The following PCLO variants were observed in gnomAD, a reference collection of about 807,000 sequenced individuals.
The protein encoded by PCLO is protein piccolo.
A neutral mutation model predicts 427.5 loss-of-function variants in PCLO; 82 were observed. That is an observed-to-expected ratio of 0.19 (90% CI 0.16 to 0.23). PCLO has a LOEUF of 0.23. PCLO is among the 10% of genes least tolerant of loss of function. The pLI, the probability that PCLO is intolerant of heterozygous loss-of-function variation, is 1.00. For synonymous variants in PCLO, 2,357 were observed against 2,155.4 expected, an observed-to-expected ratio of 1.09 and a Z score of -2.59; for missense variants, 6,239 against 6,115.9, an observed-to-expected ratio of 1.02 and a Z score of -0.67.
rs1444823436 is a variant in PCLO, at chr7:82,955,298, T to C, written c.5655A>G (p.Lys1885=). The C allele has an allele frequency of 6.8e-6, 11 of 1,613,384 alleles. No individual in the cohort carries two copies. Among genetic ancestry groups the C allele is most frequent in the South Asian group, 1.1e-5 (1 of 90,980 alleles). Residue 1885 remains lysine, a synonymous_variant, in exon 5 of 25, where the codon AAA becomes AAG. Coordinates refer to ENST00000333891, the MANE Select transcript of PCLO (RefSeq NM_033026.6). ...AGTATAATGAAACAGCTGTGGGCAA[T>C]TTATAAACTTTTTGTACTTCTATTA... ...EKIIEVQKVY[K]LPTAVSLYSP... is the part of the protein sequence containing the mutation.
Position 82,937,088 on chromosome 7 carries a change from C to A in PCLO, c.11112+12388G>T, listed in dbSNP as rs566631755. Among the ~76,000 whole-genome samples, 13 of 151,678 alleles carry A rather than the reference C, an allele frequency of 8.6e-5. 1 individual carries two copies. The highest frequency in any genetic ancestry group is 2.9e-4 in the African/African-American group (12 of 41,496). On this transcript the variant is annotated intron_variant, in intron 6 of 24. Transcript: ENST00000333891. Reference sequence around the variant, plus strand: ...CTAGATAGAGGTAGTGGTGATTGTACAACATTAAAATATACTGAATTTGTC... The same window carrying A: ...CTAGATAGAGGTAGTGGTGATTGTAAAACATTAAAATATACTGAATTTGTC...
chr7:83,076,117 T>C (rs1467920211), intron 3 of PCLO, among the ~76,000 whole-genome samples: 3 of 76,482 alleles, frequency 3.9e-5, no homozygotes, highest in Non-Finnish European at 2.2e-5. Context: ...ACCAGTTTCT[T>C]GGATTTAAAA....
At position 82,956,882 on chromosome 7, in the gene PCLO, G is replaced by C. The variant is rs1226500150; in HGVS notation, c.4071C>G (p.Pro1357=). ...AATATCCCGTGTCGCTCAGACCTTG[G>C]GGGCTTTTAGGCTGCTGAGAACTTG... ...DTSSSQQPKS[P]QGLSDTGYSS... Residue 1357 remains proline, a synonymous_variant, in exon 5 of 25, where the codon CCC becomes CCG. Transcript: ENST00000333891. The C allele has an allele frequency of 6.2e-7, 1 of 1,613,288 alleles. No individual in the cohort carries two copies. Among genetic ancestry groups the C allele is most frequent in the African/African-American group, 1.3e-5 (1 of 74,886 alleles).
At chr7:82,967,402 C>T (rs535151649) in intron 3 of PCLO, among the ~76,000 whole-genome samples, 2 of 151,676 alleles carry the variant, frequency 1.3e-5, no homozygotes, top group Admixed American at 6.6e-5. Context: ...CTTGAACTCC[C>T]GACCTCAGGT....
chr7:82,906,801 T>A (rs1794203078), intron 8 of PCLO, among the ~76,000 whole-genome samples: 1 of 151,950 alleles, frequency 6.6e-6, no homozygotes, highest in African/African-American at 2.4e-5. Flanking sequence ...AGTTTTTTTG[T>A]TTGTATGTTA....
At chr7:83,074,538 T>A (rs1467306788) in intron 3 of PCLO, among the ~76,000 whole-genome samples, 1 of 152,044 alleles carries the variant, frequency 6.6e-6, no homozygotes, top group Non-Finnish European at 1.5e-5. Context: ...TCTACTGATC[T>A]GATCCACACC....
At chr7:82,888,887 A>G (rs1793689414) in intron 9 of PCLO, among the ~76,000 whole-genome samples, 1 of 152,144 alleles carries the variant, frequency 6.6e-6, no homozygotes, top group South Asian at 2.1e-4. Context: ...GTTAAGACTC[A>G]ATATTAGATG....
intron 3 of PCLO, among the ~76,000 whole-genome samples, chr7:83,070,449 G>A (rs1008733879): frequency 4.0e-5 from 6 of 149,790 alleles, no homozygotes; most frequent in South Asian, 4.2e-4. Context: ...GTGCAGTGGC[G>A]TGATCTCAGC....
chr7:83,067,208 A>G (rs1789691055), intron 3 of PCLO, among the ~76,000 whole-genome samples: 1 of 152,170 alleles, frequency 6.6e-6, no homozygotes, highest in African/African-American at 2.4e-5. Context: ...CAAGCATTTC[A>G]GATAAGGGAT....
chr7:82,916,954 T>C (rs1794482719), intron 6 of PCLO, 81 bp from the exon 7 acceptor site: 1 of 958,274 alleles, frequency 1.0e-6, no homozygotes, highest in Non-Finnish European at 1.5e-6. Flanking sequence ...TTATATTTAA[T>C]AAAAATGATT....
At chr7:82,822,838 G>C in intron 19 of PCLO, 149 bp from the exon 20 acceptor site, 2 of 700,590 alleles carry the variant, frequency 2.9e-6, no homozygotes, top group Non-Finnish European at 4.9e-6. Context: ...CATACAGAAT[G>C]ATGATTAAAC....
chr7:82,963,436 A>T (rs932798310), intron 4 of PCLO, among the ~76,000 whole-genome samples: 9 of 151,124 alleles, frequency 6.0e-5, no homozygotes, highest in Non-Finnish European at 2.9e-5. Flanking sequence ...TTTTTTCATA[A>T]TTGGTTTCCA....
At position 82,826,592 on chromosome 7, in the gene PCLO, C is replaced by T. The variant is rs376096327; in HGVS notation, c.14412G>A (p.Gly4804=). The change falls in exon 18 of 25, where the codon GGG becomes GGA. Residue 4804 remains glycine, a synonymous_variant. Coordinates refer to ENST00000333891, the MANE Select transcript of PCLO (RefSeq NM_033026.6). ...GGAAAGGAAGTCAGAGGCTTACCTC[C>T]CCAAGGAAGTCGTTGGATGAAAATC... is the stretch of plus-strand genomic sequence containing the variant. ...YDRFSSNDFL[G]EVLIDLSSTS... is the part of the protein sequence containing the mutation. 6.2e-7 allele frequency: 1 copy of T among 1,600,596 alleles called. No homozygotes were observed. The highest frequency in any genetic ancestry group is 1.3e-5 in the African/African-American group (1 of 74,530).
At chr7:82,786,752 C>G (rs1451243282) in intron 22 of PCLO, among the ~76,000 whole-genome samples, 5 of 152,028 alleles carry the variant, frequency 3.3e-5, no homozygotes, top group African/African-American at 9.7e-5. Context: ...CTCCCCACCC[C>G]CCAACAGGCC....
intron 22 of PCLO, among the ~76,000 whole-genome samples, chr7:82,784,167 T>C (rs1034559949): frequency 9.9e-5 from 15 of 152,168 alleles, no homozygotes; most frequent in Admixed American, 2.6e-4. Context: ...GACTGTTTCA[T>C]TCCTCACCTC....
At chr7:83,104,127 C>T (rs887889909) in intron 3 of PCLO, among the ~76,000 whole-genome samples, 2 of 114,766 alleles carry the variant, frequency 1.7e-5, no homozygotes, top group East Asian at 4.2e-4. Context: ...AAGGGAACAA[C>T]ATTTTCTTAA....
intron 3 of PCLO, among the ~76,000 whole-genome samples, chr7:83,098,810 A>G (rs1220824333): frequency 6.6e-6 from 1 of 152,172 alleles, no homozygotes; most frequent in African/African-American, 2.4e-5. Context: ...TTGGTGTTAT[A>G]CTATGTCTCT....
At chr7:82,883,066 A>G (rs888662980) in intron 9 of PCLO, among the ~76,000 whole-genome samples, 4 of 152,138 alleles carry the variant, frequency 2.6e-5, no homozygotes, top group Non-Finnish European at 2.9e-5. Flanking sequence ...CATCAACGGA[A>G]AGCAAAATTG....
At chr7:82,826,542 G>A (rs1389795199) in intron 18 of PCLO, 47 bp downstream of exon 18, 3 of 1,237,714 alleles carry the variant, frequency 2.4e-6, no homozygotes, top group African/African-American at 1.5e-5. Context: ...GCTTTAATTG[G>A]TGGTTTACCA....
Sources: allele counts gnomAD v4.1 joint callset (sites outside exome capture counted in the v4.1 genomes callset), GRCh38; gene constraint gnomAD v4.1.1; transcripts MANE v1.5; gene names NCBI Gene and HGNC (gene_info 2026-07-23, HGNC 2026-07-21).